JPH2: variants seen among roughly 807,000 people sequenced by gnomAD.
The protein encoded by JPH2 is junctophilin 2, also known as junctophilin-2.
JPH2 carries 38 observed loss-of-function variants against 55.9 expected under a neutral mutation model. The observed-to-expected ratio is 0.68, with a 90% CI of 0.52 to 0.89. The LOEUF is 0.89. JPH2 is among the 40% of genes least tolerant of loss of function. The probability of loss-of-function intolerance (pLI) is 0.00; values close to 1 mark genes in which losing one functional copy is unlikely to be tolerated. For synonymous variants in JPH2, 480 were observed against 472.4 expected (o/e 1.02, Z -0.21); for missense variants, 964 against 1,037.6 (o/e 0.93, Z 0.97).
rs1033952422 is a variant in JPH2, at chr20:44,128,910, A to T, written c.1170-10287T>A. ...ACAGCTGCATGACTGTTGGTGACTT[A>T]CTGAAATTCTCTGTGCTTTGATTTT... is the stretch of plus-strand genomic sequence containing the variant. On this transcript the variant is annotated intron_variant, in intron 2 of 5. Transcript: ENST00000372980. Among the ~76,000 whole-genome samples the T allele has an allele frequency of 3.9e-5, 6 of 152,300 alleles. 1 individual carries two copies. Among genetic ancestry groups the T allele is most frequent in the Admixed American group, 2.0e-4 (3 of 15,294 alleles).
At chr20:44,152,788 G>T (rs537857541) in intron 2 of JPH2, among the ~76,000 whole-genome samples, 1 of 152,170 alleles carries the variant, frequency 6.6e-6, no homozygotes, top group Non-Finnish European at 1.5e-5. Context: ...TAAGGAAAAG[G>T]CCTCCGTGGG....
At chr20:44,130,122 T>A (rs2077417) in intron 2 of JPH2, among the ~76,000 whole-genome samples, 4,118 of 152,310 alleles carry the variant, frequency 0.027, 121 homozygotes, top group East Asian at 0.15. Context: ...CTCAAGATGA[T>A]GCACTTTACA....
intron 1 of JPH2, among the ~76,000 whole-genome samples, chr20:44,181,128 C>A (rs969836388): frequency 1.3e-5 from 2 of 152,000 alleles, no homozygotes; most frequent in Admixed American, 6.5e-5. Context: ...CCTTCCCATG[C>A]GAGAGCTGGA....
chr20:44,183,643 C>A (rs1482194919), intron 1 of JPH2, among the ~76,000 whole-genome samples: 1 of 152,190 alleles, frequency 6.6e-6, no homozygotes, highest in Non-Finnish European at 1.5e-5. Context: ...CACTTCCTGG[C>A]CACTGTCAAA....
intron 2 of JPH2, among the ~76,000 whole-genome samples, chr20:44,125,988 C>T (rs923298380): frequency 1.3e-5 from 2 of 151,720 alleles, no homozygotes; most frequent in African/African-American, 4.8e-5. Flanking sequence ...AAACATTAGC[C>T]AGGCATGGTG....
In JPH2 at chr20:44,115,734, C is replaced by T; in HGVS notation, c.1941G>A (p.Lys647=). ...TCCGCGCCTTCTTCTTGGCCCCCGC[C>T]TTGGTCAGCCCTCGAGCCTCAGTCT... ...ARKTEARGLT[K]AGAKKKARKE... The change falls in exon 4 of 6, where the codon AAG becomes AAA. Residue 647 remains lysine (K), a synonymous_variant. Coordinates refer to ENST00000372980, the MANE Select transcript of JPH2 (RefSeq NM_020433.5). 1 of 1,613,610 alleles carries T rather than the reference C, an allele frequency of 6.2e-7. No individual in the cohort carries two copies. Among genetic ancestry groups the T allele is most frequent in the Non-Finnish European group, 8.5e-7 (1 of 1,180,000 alleles).
intron 2 of JPH2, among the ~76,000 whole-genome samples, chr20:44,134,368 T>A (rs1205718563): frequency 5.4e-5 from 1 of 18,486 alleles, no homozygotes; most frequent in Non-Finnish European, 8.2e-5. Context: ...ATATATTTAT[T>A]ATAAATATAT....
Position 44,111,136 on chromosome 20 carries a change from AGG to A in JPH2, c.*2380_*2381del, listed in dbSNP as rs2145834344. On this transcript the variant is annotated 3_prime_UTR_variant, in exon 6 of 6. Transcript: ENST00000372980. ...CTCTGTGGAATGTGGCGATCCCCTC[AGG>A]CTCCCCCACTGATTGAGATATTCTG... Among the ~76,000 whole-genome samples the A allele has an allele frequency of 1.3e-5, 2 of 152,304 alleles. No individual in the cohort carries two copies. Among genetic ancestry groups the A allele is most frequent in the East Asian group, 3.9e-4 (2 of 5,178 alleles).
At chr20:44,168,482 A>T (rs1044059187) in intron 1 of JPH2, among the ~76,000 whole-genome samples, 1 of 152,228 alleles carries the variant, frequency 6.6e-6, no homozygotes, top group Non-Finnish European at 1.5e-5. Flanking sequence ...TTATACTTCC[A>T]TTAGAAAGTT....
At chr20:44,137,391 G>GGCCTCCCCC (rs1307188493) in intron 2 of JPH2, among the ~76,000 whole-genome samples, 23 of 152,176 alleles carry the variant, frequency 1.5e-4, no homozygotes, top group Admixed American at 1.4e-3. Flanking sequence ...CCAGCCCAGC[G>GGCCTCCCCC]GCCTCCCCCG....
In JPH2 at chr20:44,129,846, TG is replaced by T; in HGVS notation, c.1170-11224del. ...AGAAGAGGAGAAGCCAATGTGATGA[TG>T]GGAGCAGAGATGGGAGTGATGTGTT... On this transcript the variant is annotated intron_variant, in intron 2 of 5. Transcript: ENST00000372980. 3.3e-5 allele frequency among the ~76,000 whole-genome samples: 5 copies of T among 152,132 alleles called. 1 individual carries two copies. In the South Asian group the frequency reaches 1.0e-3, roughly 32 times the overall value.
chr20:44,115,576 C>T lies in JPH2; in HGVS notation c.2010+89G>A, dbSNP rs117011960. The T allele has an allele frequency of 0.015, 23,526 of 1,561,716 alleles. 220 individuals carry two copies. The highest frequency in any genetic ancestry group is 0.018 in the Non-Finnish European group (21,083 of 1,140,728). ...GCTTCGGTCTCTCGCACCCCAGCAA[C>T]CCCCAAATCCCCTGCCCCTGAATCC... On this transcript the variant is annotated intron_variant, in intron 4 of 5. Transcript: ENST00000372980.
intron 1 of JPH2, among the ~76,000 whole-genome samples, chr20:44,162,723 T>A (rs2072619417): frequency 7.7e-6 from 1 of 130,484 alleles, no homozygotes; most frequent in African/African-American, 2.9e-5. Flanking sequence ...ATCGTGTGAG[T>A]TAATACTCCT....
intron 1 of JPH2, among the ~76,000 whole-genome samples, chr20:44,178,648 C>T (rs943586686): frequency 6.6e-5 from 10 of 152,078 alleles, no homozygotes; most frequent in African/African-American, 2.4e-4. Flanking sequence ...CACTCTGTTG[C>T]CCAGGCTGAA....
chr20:44,174,230 G>A (rs1364555420), intron 1 of JPH2, among the ~76,000 whole-genome samples: 1 of 152,180 alleles, frequency 6.6e-6, no homozygotes, highest in Non-Finnish European at 1.5e-5. Context: ...AGGCCACACA[G>A]CCCAGGAGTA....
At chr20:44,144,376 G>A (rs752714047) in intron 2 of JPH2, among the ~76,000 whole-genome samples, 3 of 152,068 alleles carry the variant, frequency 2.0e-5, no homozygotes, top group Non-Finnish European at 2.9e-5. Context: ...CAAATGCCAC[G>A]GCCACATGAA....
chr20:44,118,734 G>T (rs1055644882), intron 2 of JPH2, 111 bp from the exon 3 acceptor site: 4 of 847,784 alleles, frequency 4.7e-6, no homozygotes, highest in African/African-American at 3.3e-5. Flanking sequence ...TTTCACGCAG[G>T]CAGTCAATGA....
intron 1 of JPH2, among the ~76,000 whole-genome samples, chr20:44,165,895 A>G (rs1482583517): frequency 6.6e-6 from 1 of 152,098 alleles, no homozygotes; most frequent in East Asian, 1.9e-4. Flanking sequence ...ACCCGTGCCC[A>G]AGGTCTTCTA....
intron 1 of JPH2, among the ~76,000 whole-genome samples, chr20:44,171,430 G>A (rs945666809): frequency 5.9e-5 from 9 of 152,168 alleles, no homozygotes; most frequent in African/African-American, 2.2e-4. Context: ...TGGCAGCTCG[G>A]GGAATGTGTC....
Sources: allele counts gnomAD v4.1 joint callset (sites outside exome capture counted in the v4.1 genomes callset), GRCh38; gene constraint gnomAD v4.1.1; transcripts MANE v1.5; gene names NCBI Gene and HGNC (gene_info 2026-07-23, HGNC 2026-07-21).